Variants in HECTD4 observed in about 807,000 individuals in gnomAD.
HECTD4 encodes HECT domain E3 ubiquitin protein ligase 4, also known as probable E3 ubiquitin-protein ligase HECTD4.
A neutral mutation model predicts 471.5 loss-of-function variants in HECTD4; 114 were observed. The observed-to-expected ratio is 0.24, with a 90% CI of 0.21 to 0.28. The LOEUF is 0.28. Among genes scored for constraint, HECTD4 ranks in the 10% least tolerant of loss-of-function variants. The pLI is 1.00. For missense variants in HECTD4, 3,866 were observed against 5,651.5 expected, an observed-to-expected ratio of 0.68 and a Z score of 10.13; for synonymous variants, 2,012 against 2,256.0, an observed-to-expected ratio of 0.89 and a Z score of 3.07.
At chr12:112,248,003 C>T (rs1593973756) in intron 27 of HECTD4, 64 bp downstream of exon 27, 1 of 1,133,566 alleles carries the variant, frequency 8.8e-7, no homozygotes, top group East Asian at 2.5e-5. Flanking sequence ...CACACACACA[C>T]ACAGTATATA....
Position 112,204,724 on chromosome 12 carries a change from A to G in HECTD4, c.8132-101T>C, listed in dbSNP as rs1456672391. On this transcript the variant is annotated intron_variant, in intron 52 of 75. Coordinates refer to ENST00000682272, the MANE Select transcript of HECTD4 (RefSeq NM_001388303.1). ...AGTGAAATGATAAGGGAATCTTTCAAACATTGTTTATGAAAGTACATAACC... is the reference window on the plus strand; with the variant it reads ...AGTGAAATGATAAGGGAATCTTTCAGACATTGTTTATGAAAGTACATAACC... 10 of 949,064 alleles carry G rather than the reference A, an allele frequency of 1.1e-5. No individual in the cohort carries two copies. The Admixed American group carries it at 1.4e-4, about 13-fold the overall frequency. 58.8% of individuals were successfully genotyped at this position (949,064 alleles called of 1,614,324 possible).
chr12:112,212,954 C>A (rs1397824200), intron 48 of HECTD4, among the ~76,000 whole-genome samples: 3 of 152,138 alleles, frequency 2.0e-5, no homozygotes, highest in Non-Finnish European at 4.4e-5. Flanking sequence ...TACAAGCACG[C>A]CCAGTTAATT....
chr12:112,208,964 C>CAAAG, intron 50 of HECTD4, among the ~76,000 whole-genome samples: 1 of 125,396 alleles, frequency 8.0e-6, no homozygotes, highest in East Asian at 2.9e-4. Flanking sequence ...AGCAGTGGTG[C>CAAAG]AAAGATAGGT....
At chr12:112,285,971 C>T (rs2034744651) in intron 7 of HECTD4, among the ~76,000 whole-genome samples, 1 of 152,166 alleles carries the variant, frequency 6.6e-6, no homozygotes, top group African/African-American at 2.4e-5. Flanking sequence ...TCACTTTAAG[C>T]TTGGCATTCA....
At position 112,306,090 on chromosome 12, in the gene HECTD4, C is replaced by G; in HGVS notation, c.1309G>C (p.Val437Leu). 1.6e-5 allele frequency: 26 copies of G among 1,607,066 alleles called. No individual in the cohort carries two copies. The highest frequency in any genetic ancestry group is 2.0e-5 in the Non-Finnish European group (24 of 1,178,042). The change falls in exon 7 of 76, where the codon GTC becomes CTC. Residue 437 changes from valine to leucine, a missense_variant. Around this residue, in one of 16 missense-constraint regions of HECTD4, gnomAD observed 440 missense variants for 636.0 expected, o/e 0.69. Coordinates refer to ENST00000682272, the MANE Select transcript of HECTD4 (RefSeq NM_001388303.1). ...ACAAGTTCAAAAATGTCCATGAAGA[C>G]AGAATGTCCCTTCGGTGTTTTCTCA... Reference protein sequence around the residue: ...LNEKTPKGHSVFMDIFELVVE... With the variant: ...LNEKTPKGHSLFMDIFELVVE...
chr12:112,212,463 T>G (rs1425293540), intron 49 of HECTD4, 24 bp downstream of exon 49: 1 of 1,591,634 alleles, frequency 6.3e-7, no homozygotes, highest in Admixed American at 1.7e-5. Context: ...GAATTTGTTT[T>G]CCTTTCCCAA....
chr12:112,238,109 G>T (rs2033558164), intron 34 of HECTD4, among the ~76,000 whole-genome samples: 1 of 151,928 alleles, frequency 6.6e-6, no homozygotes, highest in Admixed American at 6.6e-5. Flanking sequence ...CTTTTGCCTG[G>T]CATATAATAG....
intron 1 of HECTD4, among the ~76,000 whole-genome samples, chr12:112,337,750 T>TA (rs1254380816): frequency 6.6e-6 from 1 of 152,208 alleles, no homozygotes; most frequent in Non-Finnish European, 1.5e-5. Context: ...ACTTTCTTAT[T>TA]AATGTACTCC....
At chr12:112,301,174 C>T (rs1389913434) in intron 7 of HECTD4, among the ~76,000 whole-genome samples, 1 of 151,276 alleles carries the variant, frequency 6.6e-6, no homozygotes, top group Admixed American at 6.6e-5. Flanking sequence ...GCATGAGCCA[C>T]CACGCCCGGT....
At chr12:112,364,666 C>T (rs1232795250) in intron 1 of HECTD4, among the ~76,000 whole-genome samples, 2 of 151,750 alleles carry the variant, frequency 1.3e-5, no homozygotes, top group Non-Finnish European at 2.9e-5. Flanking sequence ...GAGGTCCAGA[C>T]TGCAGTGAGC....
At chr12:112,301,319 C>A (rs1239344089) in intron 7 of HECTD4, among the ~76,000 whole-genome samples, 2 of 150,680 alleles carry the variant, frequency 1.3e-5, no homozygotes, top group Non-Finnish European at 3.0e-5. Flanking sequence ...AGTAGCTGGG[C>A]TTTACAGGTG....
rs368472962 is a variant in HECTD4, at chr12:112,230,680, C to T, written c.6336+7G>A. 1.2e-5 allele frequency: 19 copies of T among 1,606,648 alleles called. No individual in the cohort carries two copies. Among genetic ancestry groups the T allele is most frequent in the East Asian group, 4.5e-5 (2 of 44,744 alleles). On this transcript the variant is annotated splice_region_variant and intron_variant, in intron 40 of 75. Coordinates refer to ENST00000682272, the MANE Select transcript of HECTD4 (RefSeq NM_001388303.1). ...TTTTCTCAGTTGAGTAGCAACACTGCGCTAACCTTCTCTGCTGTTGTGGTC... is the reference window on the plus strand; with the variant it reads ...TTTTCTCAGTTGAGTAGCAACACTGTGCTAACCTTCTCTGCTGTTGTGGTC...
chr12:112,170,005 G>C lies in HECTD4; in HGVS notation c.12052+328C>G, dbSNP rs1203866409. On this transcript the variant is annotated intron_variant, in intron 69 of 75. Transcript: ENST00000682272. ...TCTATACGCTGTGGCAGAGACTCTG[G>C]GGAGCCTCCCCAGTGACCTTCTCTC... 9.4e-6 allele frequency: 5 copies of C among 534,624 alleles called. No individual in the cohort carries two copies. In the Admixed American group the frequency reaches 1.3e-4, roughly 14 times the overall value. The allele number at this position is 534,624 out of a possible 1,614,324, so 33.1% of individuals were successfully genotyped here. A position where few individuals can be genotyped will look rare whatever the true frequency, so the allele number is the denominator to read the frequency against.
intron 2 of HECTD4, among the ~76,000 whole-genome samples, chr12:112,317,020 T>C (rs545373106): frequency 6.6e-6 from 1 of 152,210 alleles, no homozygotes; most frequent in African/African-American, 2.4e-5. Flanking sequence ...GAACCAACAA[T>C]TAATAACTTA....
intron 29 of HECTD4, among the ~76,000 whole-genome samples, chr12:112,246,047 G>A (rs572276324): frequency 9.9e-5 from 15 of 152,040 alleles, no homozygotes; most frequent in Non-Finnish European, 2.2e-4. Context: ...CAGGAGAATC[G>A]CTTGAACCCA....
intron 7 of HECTD4, among the ~76,000 whole-genome samples, chr12:112,303,900 A>G (rs2035218231): frequency 6.6e-6 from 1 of 151,998 alleles, no homozygotes; most frequent in Admixed American, 6.5e-5. Context: ...GGAAAAAAAG[A>G]AAAGAGGGAG....
Position 112,167,808 on chromosome 12 carries a change from G to T in HECTD4, c.12312+6C>A, listed in dbSNP as rs1187620597. 4 of 1,612,058 alleles carry T rather than the reference G, an allele frequency of 2.5e-6. No individual in the cohort carries two copies. Reference sequence around the variant, plus strand: ...GGCGTGGAGCCTCCTCCCGGCCTCTGCCTACCTTGTTCTTATTGACAGCTG... The same window carrying T: ...GGCGTGGAGCCTCCTCCCGGCCTCTTCCTACCTTGTTCTTATTGACAGCTG... On this transcript the variant is annotated splice_donor_region_variant and intron_variant, in intron 71 of 75. Transcript: ENST00000682272.
intron 64 of HECTD4, among the ~76,000 whole-genome samples, chr12:112,177,470 C>T (rs957658275): frequency 6.6e-6 from 1 of 151,348 alleles, no homozygotes; most frequent in Non-Finnish European, 1.5e-5. Context: ...AGCTCCGCCT[C>T]CCGGGCTCAC....
Position 112,382,174 on chromosome 12 carries a change from G to A in HECTD4, c.-46C>T, listed in dbSNP as rs550905999. 12 of 1,210,582 alleles carry A rather than the reference G, an allele frequency of 9.9e-6. 1 individual carries two copies. In the Admixed American group the frequency reaches 1.7e-4, roughly 18 times the overall value. The allele number at this position is 1,210,582 out of a possible 1,614,324, so 75.0% of individuals were successfully genotyped here. On this transcript the variant is annotated 5_prime_UTR_variant, in exon 1 of 76. Transcript: ENST00000682272. ...CGCTGAGGAGCAGACGCCCGGCCGG[G>A]GGAAACGGAGCAGGAGCCGCCGCGA...
Sources: gnomAD v4.1 joint callset for allele counts (sites outside exome capture counted in the v4.1 genomes callset) on GRCh38, gnomAD v4.1.1 for gene constraint, gnomAD v4.1.1 regional missense constraint, MANE v1.5 for transcripts, NCBI Gene and HGNC (gene_info 2026-07-23, HGNC 2026-07-21) for gene names.